MYT1L: variants seen among roughly 807,000 people sequenced by gnomAD.
MYT1L encodes the protein myelin transcription factor 1-like protein.
In MYT1L, 12 loss-of-function variants were observed where a neutral mutation model predicts 126.7. The ratio of observed to expected loss-of-function variants is 0.09; its 90% CI spans 0.06 to 0.15. MYT1L has a LOEUF of 0.15. Ranked by LOEUF, MYT1L falls within the 10% of genes least tolerant of loss-of-function variation. MYT1L has a pLI of 1.00. For synonymous variants in MYT1L, 541 were observed against 604.2 expected (o/e 0.90, Z 1.53); for missense variants, 979 against 1,585.2 (o/e 0.62, Z 6.49).
intron 18 of MYT1L, chr2:1,886,266 T>C: frequency 3.0e-6 from 1 of 336,330 alleles, no homozygotes; most frequent in Admixed American, 4.8e-5. Flanking sequence ...TGCATGCATA[T>C]CTGAAGAGAA....
At chr2:2,233,384 C>T (rs1425661790) in intron 2 of MYT1L, among the ~76,000 whole-genome samples, 2 of 152,112 alleles carry the variant, frequency 1.3e-5, no homozygotes, top group Non-Finnish European at 2.9e-5. Flanking sequence ...GACCAACGGG[C>T]TGCGGGAGCC....
At chr2:2,316,279 C>T (rs75588438) in intron 1 of MYT1L, among the ~76,000 whole-genome samples, 2,350 of 152,270 alleles carry the variant, frequency 0.015, 32 homozygotes, top group Non-Finnish European at 0.022. Context: ...GAGAACATGC[C>T]ATCGGCTACC....
intron 11 of MYT1L, among the ~76,000 whole-genome samples, chr2:1,916,244 A>G (rs2052807530): frequency 2.0e-5 from 3 of 152,204 alleles, no homozygotes; most frequent in Admixed American, 2.0e-4. Flanking sequence ...CTTTGTGCTG[A>G]CAGGTTTTGC....
At chr2:1,835,221 T>A (rs1311922687) in intron 21 of MYT1L, among the ~76,000 whole-genome samples, 1 of 152,234 alleles carries the variant, frequency 6.6e-6, no homozygotes, top group Non-Finnish European at 1.5e-5. Flanking sequence ...AGTCAAAAAT[T>A]CATTTAATAC....
At chr2:1,864,389 C>A (rs1477430452) in intron 18 of MYT1L, among the ~76,000 whole-genome samples, 2 of 152,212 alleles carry the variant, frequency 1.3e-5, no homozygotes, top group Non-Finnish European at 2.9e-5. Flanking sequence ...AGGCCCTCCA[C>A]AGTCTTGCCG....
chr2:2,094,928 A>G (rs1182785715), intron 3 of MYT1L, among the ~76,000 whole-genome samples: 1 of 152,226 alleles, frequency 6.6e-6, no homozygotes, highest in African/African-American at 2.4e-5. Context: ...TATAAAAAAA[A>G]GATTATCAGA....
At chr2:1,874,034 C>A (rs374429597) in intron 18 of MYT1L, among the ~76,000 whole-genome samples, 2 of 150,954 alleles carry the variant, frequency 1.3e-5, no homozygotes, top group Non-Finnish European at 2.9e-5. Flanking sequence ...AATCTACAGT[C>A]GGGGGAAGGA....
chr2:2,076,189 C>T (rs115085502), intron 3 of MYT1L, among the ~76,000 whole-genome samples: 390 of 152,294 alleles, frequency 2.6e-3, no homozygotes, highest in African/African-American at 9.0e-3. Context: ...TAGACAACCA[C>T]AGAGAACTTT....
chr2:1,974,866 TTTTGA>T (rs1237608851), intron 8 of MYT1L: 3 of 152,224 alleles, frequency 2.0e-5, no homozygotes, highest in Non-Finnish European at 4.4e-5. Flanking sequence ...CAAATTTATA[TTTTGA>T]TTTAAGGTTT....
chr2:1,966,487 G>C (rs771685924), intron 8 of MYT1L, among the ~76,000 whole-genome samples: 7 of 152,134 alleles, frequency 4.6e-5, no homozygotes, highest in Non-Finnish European at 8.8e-5. Context: ...CCTGGAGAGA[G>C]GCTCTTCTGG....
Position 1,873,963 on chromosome 2 carries a change from C to T in MYT1L, c.2711+12576G>A, listed in dbSNP as rs1392497095. On this transcript the variant is annotated intron_variant, in intron 18 of 24. Coordinates refer to ENST00000647738, the MANE Select transcript of MYT1L (RefSeq NM_001303052.2). The stretch of plus-strand genomic sequence containing the variant: ...GAGGGATGGTCAAAGATACCGGACT[C>T]TATGAGGGATGGTCAAAGATACTGG... Among the ~76,000 whole-genome samples, 10 of 151,892 alleles carry T rather than the reference C, an allele frequency of 6.6e-5. 1 individual carries two copies. The highest frequency in any genetic ancestry group is 1.3e-4 in the Admixed American group (2 of 15,242).
intron 4 of MYT1L, among the ~76,000 whole-genome samples, chr2:2,039,356 T>C (rs953792889): frequency 6.6e-6 from 1 of 151,800 alleles, no homozygotes; most frequent in Non-Finnish European, 1.5e-5. Context: ...TGCGCTATGA[T>C]TGCACCACTG....
At chr2:2,108,383 C>A (rs2079005764) in intron 3 of MYT1L, among the ~76,000 whole-genome samples, 1 of 152,222 alleles carries the variant, frequency 6.6e-6, no homozygotes, top group Non-Finnish European at 1.5e-5. Flanking sequence ...GCATGATTAA[C>A]CAAGGCCTAA....
chr2:2,202,396 G>A (rs372114159), intron 2 of MYT1L, among the ~76,000 whole-genome samples: 1 of 152,122 alleles, frequency 6.6e-6, no homozygotes. Context: ...AAGAAGAAAA[G>A]AGAGAAGAAC....
chr2:1,954,221 C>A (rs772119240), intron 8 of MYT1L, among the ~76,000 whole-genome samples: 1 of 152,316 alleles, frequency 6.6e-6, no homozygotes, highest in East Asian at 1.9e-4. Flanking sequence ...CCAACACAAA[C>A]GCTGAAGTCA....
At chr2:2,122,944 C>T (rs1034342804) in intron 3 of MYT1L, among the ~76,000 whole-genome samples, 19 of 151,272 alleles carry the variant, frequency 1.3e-4, no homozygotes, top group South Asian at 2.1e-4. Flanking sequence ...TATGGGGAGG[C>T]GCAGACAGGG....
At chr2:1,857,153 G>A (rs987336959) in intron 18 of MYT1L, among the ~76,000 whole-genome samples, 10 of 152,142 alleles carry the variant, frequency 6.6e-5, no homozygotes, top group Non-Finnish European at 1.5e-4. Flanking sequence ...TCCTCCCAGC[G>A]TGACTCAGCA....
At chr2:2,297,403 C>T (rs2095711722) in intron 1 of MYT1L, among the ~76,000 whole-genome samples, 1 of 152,198 alleles carries the variant, frequency 6.6e-6, no homozygotes, top group African/African-American at 2.4e-5. Flanking sequence ...CCAGGCCCAT[C>T]CCAGGCCCAC....
chr2:2,327,288 G>T (rs918060244), intron 1 of MYT1L, among the ~76,000 whole-genome samples: 1 of 152,068 alleles, frequency 6.6e-6, no homozygotes, highest in South Asian at 2.1e-4. Flanking sequence ...CTTCAAGTTT[G>T]TGGTATCTTT....
Sources: gnomAD v4.1 joint callset for allele counts (sites outside exome capture counted in the v4.1 genomes callset) on GRCh38, gnomAD v4.1.1 for gene constraint, MANE v1.5 for transcripts, NCBI Gene and HGNC (gene_info 2026-07-23, HGNC 2026-07-21) for gene names.